ZNF804B: variants seen among roughly 807,000 people sequenced by gnomAD.
The protein encoded by ZNF804B is zinc finger protein 804B.
Under a neutral mutation model 101.4 loss-of-function variants are expected in ZNF804B, and 80 were observed. That is an observed-to-expected ratio of 0.79 (90% CI 0.66 to 0.95). The LOEUF is 0.95. Among genes scored for constraint, ZNF804B ranks in the 40% least tolerant of loss-of-function variants. The probability of loss-of-function intolerance (pLI) is 0.00; values close to 1 mark genes in which losing one functional copy is unlikely to be tolerated. For missense variants in ZNF804B, 1,673 were observed against 1,561.9 expected, an observed-to-expected ratio of 1.07 and a Z score of -1.20; for synonymous variants, 622 against 558.8, an observed-to-expected ratio of 1.11 and a Z score of -1.59.
chr7:89,021,795 C>T (rs1308979785), intron 1 of ZNF804B, among the ~76,000 whole-genome samples: 5 of 152,188 alleles, frequency 3.3e-5, no homozygotes, highest in African/African-American at 1.2e-4. Context: ...AAAGTGGCTA[C>T]TGGCTCCCAG....
intron 1 of ZNF804B, among the ~76,000 whole-genome samples, chr7:89,193,021 G>A (rs185016550): frequency 9.2e-4 from 140 of 152,086 alleles, no homozygotes; most frequent in African/African-American, 3.3e-3. Flanking sequence ...GCCATACATG[G>A]CAAACCCACA....
intron 2 of ZNF804B, among the ~76,000 whole-genome samples, chr7:89,323,113 C>T (rs1310442271): frequency 6.6e-6 from 1 of 152,186 alleles, no homozygotes; most frequent in East Asian, 1.9e-4. Flanking sequence ...TGGCCTAGGC[C>T]ATGTGAGGAT....
intron 1 of ZNF804B, among the ~76,000 whole-genome samples, chr7:88,946,610 G>A (rs1406363158): frequency 6.6e-6 from 1 of 150,802 alleles, no homozygotes; most frequent in East Asian, 2.0e-4. Flanking sequence ...GATGATGCTG[G>A]CCTCATAAAA....
At position 88,812,354 on chromosome 7, in the gene ZNF804B, C is replaced by T. The variant is rs141933965; in HGVS notation, c.108+52270C>T. ...ATTACGATGGCTACTATCAAAAAAA[C>T]AGAAAATAACAACTGTTGACAAGAA... On this transcript the variant is annotated intron_variant, in intron 1 of 3. Transcript: ENST00000333190. 4.6e-3 allele frequency among the ~76,000 whole-genome samples: 707 copies of T among 152,184 alleles called. 3 individuals are homozygous for T. The highest frequency in any genetic ancestry group is 0.024 in the Middle Eastern group (7 of 294).
At chr7:89,325,212 C>G (rs1167291594) in intron 2 of ZNF804B, among the ~76,000 whole-genome samples, 1 of 151,818 alleles carries the variant, frequency 6.6e-6, no homozygotes. Flanking sequence ...TCTACTTAAA[C>G]TTGAGCACTC....
intron 2 of ZNF804B, among the ~76,000 whole-genome samples, chr7:89,315,992 C>A (rs1280669859): frequency 6.6e-6 from 1 of 152,036 alleles, no homozygotes; most frequent in Admixed American, 6.6e-5. Flanking sequence ...ATAAGAAATA[C>A]CTCTGTACAA....
chr7:88,904,545 A>G (rs1377563855), intron 1 of ZNF804B, among the ~76,000 whole-genome samples: 1 of 152,130 alleles, frequency 6.6e-6, no homozygotes, highest in African/African-American at 2.4e-5. Context: ...TTTGGGTAGT[A>G]TGGCAATTTT....
intron 1 of ZNF804B, among the ~76,000 whole-genome samples, chr7:88,899,333 T>C (rs1170003378): frequency 2.0e-5 from 3 of 152,158 alleles, no homozygotes; most frequent in Non-Finnish European, 4.4e-5. Context: ...AGTCACCTTA[T>C]ACAAAATCCC....
intron 1 of ZNF804B, among the ~76,000 whole-genome samples, chr7:89,208,673 G>A (rs1317108082): frequency 1.3e-5 from 2 of 152,222 alleles, no homozygotes; most frequent in Non-Finnish European, 2.9e-5. Context: ...GGTGGCCAAC[G>A]TTGATAACTG....
At chr7:88,823,152 A>G (rs372348170) in intron 1 of ZNF804B, among the ~76,000 whole-genome samples, 3 of 152,126 alleles carry the variant, frequency 2.0e-5, no homozygotes, top group Admixed American at 6.6e-5. Flanking sequence ...AGAGGTTGCA[A>G]TGAGCCAAGA....
intron 2 of ZNF804B, among the ~76,000 whole-genome samples, chr7:89,258,082 C>A (rs1198774763): frequency 3.3e-5 from 5 of 151,584 alleles, no homozygotes; most frequent in African/African-American, 9.7e-5. Flanking sequence ...GAAAAAAATA[C>A]AATAAAAATA....
chr7:88,862,879 C>T (rs570490118), intron 1 of ZNF804B, among the ~76,000 whole-genome samples: 14 of 152,262 alleles, frequency 9.2e-5, no homozygotes, highest in African/African-American at 3.1e-4. Flanking sequence ...TCCTGTCTCA[C>T]GCTGAGAAAC....
chr7:89,006,989 C>T (rs892197212), intron 1 of ZNF804B, among the ~76,000 whole-genome samples: 1 of 152,102 alleles, frequency 6.6e-6, no homozygotes, highest in Non-Finnish European at 1.5e-5. Context: ...TGGCCTCCAT[C>T]GTCTTCCAAC....
At chr7:89,292,534 T>G (rs1790312693) in intron 2 of ZNF804B, among the ~76,000 whole-genome samples, 2 of 151,944 alleles carry the variant, frequency 1.3e-5, no homozygotes, top group South Asian at 4.1e-4. Flanking sequence ...CATGGTAACT[T>G]CAAATCTACA....
chr7:88,907,458 A>G (rs2115967340), intron 1 of ZNF804B, among the ~76,000 whole-genome samples: 1 of 152,188 alleles, frequency 6.6e-6, no homozygotes, highest in African/African-American at 2.4e-5. Flanking sequence ...TAAATACATG[A>G]CTGCTTCTAC....
intron 1 of ZNF804B, among the ~76,000 whole-genome samples, chr7:88,799,831 C>T: frequency 6.6e-6 from 1 of 151,994 alleles, no homozygotes; most frequent in South Asian, 2.1e-4. Context: ...TTTAGAAACA[C>T]CAATTTAGAA....
At chr7:88,765,247 ACT>A (rs1179209660) in intron 1 of ZNF804B, among the ~76,000 whole-genome samples, 1 of 152,048 alleles carries the variant, frequency 6.6e-6, no homozygotes, top group Non-Finnish European at 1.5e-5. Flanking sequence ...ACTAAAATGA[ACT>A]CTCTGTTTTA....
intron 1 of ZNF804B, among the ~76,000 whole-genome samples, chr7:88,921,710 A>T (rs889854780): frequency 6.6e-6 from 1 of 152,084 alleles, no homozygotes; most frequent in Non-Finnish European, 1.5e-5. Context: ...TTTCATTCTC[A>T]TTAGTGTCCC....
intron 2 of ZNF804B, among the ~76,000 whole-genome samples, chr7:89,228,123 C>G (rs370198420): frequency 6.6e-6 from 1 of 151,958 alleles, no homozygotes; most frequent in African/African-American, 2.4e-5. Flanking sequence ...TTCTGATGTT[C>G]GGATGTGTTT....
Sources: gnomAD v4.1 joint callset for allele counts (sites outside exome capture counted in the v4.1 genomes callset) on GRCh38, gnomAD v4.1.1 for gene constraint, MANE v1.5 for transcripts, NCBI Gene and HGNC (gene_info 2026-07-23, HGNC 2026-07-21) for gene names.